LRRFIP1: variants seen among roughly 807,000 people sequenced by gnomAD.
The protein encoded by LRRFIP1 is leucine-rich repeat flightless-interacting protein 1.
LRRFIP1 carries 62 observed loss-of-function variants against 104.4 expected under a neutral mutation model. The observed-to-expected ratio is 0.59, with a 90% CI of 0.48 to 0.73. The LOEUF is 0.73. LRRFIP1 is among the 30% of genes least tolerant of loss of function. The pLI is 0.00. For synonymous variants in LRRFIP1, 300 were observed against 299.0 expected (o/e 1.00, Z -0.03); for missense variants, 796 against 824.5 (o/e 0.97, Z 0.42).
chr2:237,764,038 G>A (rs747278143), intron 19 of LRRFIP1: 28 of 1,614,044 alleles, frequency 1.7e-5, no homozygotes, highest in South Asian at 2.2e-5. Flanking sequence ...ATGACTTGTC[G>A]GCACCAGGAA....
rs73102929 is a variant in LRRFIP1 at position 237,759,392 on chromosome 2, G to T, written c.1317+571G>T. Reference sequence around the variant, plus strand: ...TCACCATCTGCTGCTTGGCCTCCAGGGTCAAAGCCAGAGCAGTGAGCCAGC... The same window carrying T: ...TCACCATCTGCTGCTTGGCCTCCAGTGTCAAAGCCAGAGCAGTGAGCCAGC... On this transcript the variant is annotated intron_variant, in intron 18 of 23. Transcript: ENST00000308482. 1.9e-3 allele frequency among the ~76,000 whole-genome samples: 291 copies of T among 152,274 alleles called. 1 individual carries two copies. The highest frequency in any genetic ancestry group is 6.5e-3 in the African/African-American group (271 of 41,540).
At chr2:237,635,700 C>T (rs1366607422) in intron 1 of LRRFIP1, among the ~76,000 whole-genome samples, 2 of 151,948 alleles carry the variant, frequency 1.3e-5, no homozygotes, top group Non-Finnish European at 2.9e-5. Flanking sequence ...TGATGCATGC[C>T]TGTAGTCCTA....
At chr2:237,658,389 A>G (rs903793079) in intron 1 of LRRFIP1, among the ~76,000 whole-genome samples, 18 of 152,242 alleles carry the variant, frequency 1.2e-4, no homozygotes, top group Admixed American at 4.6e-4. Context: ...GCAGGTCCCA[A>G]TAAAAATATT....
chr2:237,710,059 G>A (rs564456300), intron 2 of LRRFIP1, among the ~76,000 whole-genome samples: 1 of 151,572 alleles, frequency 6.6e-6, no homozygotes, highest in African/African-American at 2.4e-5. Context: ...CACCATGTTG[G>A]CCAGACTGGT....
At chr2:237,670,739 T>C (rs975355064) in intron 1 of LRRFIP1, among the ~76,000 whole-genome samples, 1 of 152,234 alleles carries the variant, frequency 6.6e-6, no homozygotes, top group African/African-American at 2.4e-5. Context: ...CTCAGGACTA[T>C]GGGACCTCTG....
intron 8 of LRRFIP1, among the ~76,000 whole-genome samples, chr2:237,730,684 C>T (rs755922908): frequency 7.9e-5 from 12 of 152,276 alleles, no homozygotes; most frequent in South Asian, 2.1e-4. Context: ...TTCGGGAGGC[C>T]GAGGTGGGCA....
intron 2 of LRRFIP1, among the ~76,000 whole-genome samples, chr2:237,710,257 T>C (rs2150042567): frequency 6.6e-6 from 1 of 152,198 alleles, no homozygotes; most frequent in African/African-American, 2.4e-5. Context: ...ACAGACACAT[T>C]TAGATAAAAA....
intron 1 of LRRFIP1, among the ~76,000 whole-genome samples, chr2:237,675,625 G>A (rs141930123): frequency 1.2e-3 from 181 of 152,040 alleles, no homozygotes; most frequent in African/African-American, 4.0e-3. Context: ...CTTTCTTTTC[G>A]AATGAAGTTA....
chr2:237,722,747 C>T (rs1178988494), intron 6 of LRRFIP1, among the ~76,000 whole-genome samples: 1 of 152,152 alleles, frequency 6.6e-6, no homozygotes, highest in African/African-American at 2.4e-5. Flanking sequence ...AGGCACCAAA[C>T]AAGCCCAGAG....
chr2:237,698,446 C>G lies in LRRFIP1; in HGVS notation c.97-10098C>G, dbSNP rs112127185. Among the ~76,000 whole-genome samples the G allele has an allele frequency of 2.8e-4, 42 of 152,364 alleles. 2 individuals carry two copies. The highest frequency in any genetic ancestry group is 7.7e-4 in the African/African-American group (32 of 41,582). ...CATAAACTCAGACCTTTACTGAGAACAGTGCAGCCATAGCTGAGAGAAGCA... is the reference window on the plus strand; with the variant it reads ...CATAAACTCAGACCTTTACTGAGAAGAGTGCAGCCATAGCTGAGAGAAGCA... On this transcript the variant is annotated intron_variant, in intron 1 of 23. Transcript: ENST00000308482.
At chr2:237,710,477 G>T (rs563585559) in intron 2 of LRRFIP1, among the ~76,000 whole-genome samples, 2 of 151,972 alleles carry the variant, frequency 1.3e-5, no homozygotes, top group South Asian at 4.2e-4. Flanking sequence ...AGTAGAGATG[G>T]GGTTTCACCG....
intron 21 of LRRFIP1, 108 bp from the exon 22 acceptor site, chr2:237,772,758 A>C: frequency 1.3e-6 from 1 of 768,216 alleles, no homozygotes; most frequent in Non-Finnish European, 2.2e-6. Context: ...CAGAACTAAC[A>C]GATTTGTGAG....
rs1164219373 is a variant in LRRFIP1, at chr2:237,766,436, A to C, written c.1460-3507A>C. ...CATACTGGAAACAGCTCTCATTCCT[A>C]CCTTTAAAGGGCTCTTGGAAAGCAG... On this transcript the variant is annotated intron_variant, in intron 19 of 23. Transcript: ENST00000308482. The surrounding 1 kb of genome is among the most constrained non-coding windows in gnomAD (Gnocchi z 4.8). Among the ~76,000 whole-genome samples, 1 of 152,088 alleles carries C rather than the reference A, an allele frequency of 6.6e-6. No individual in the cohort carries two copies. The highest frequency in any genetic ancestry group is 1.5e-5 in the Non-Finnish European group (1 of 68,004).
chr2:237,675,802 G>A (rs1188849461), intron 1 of LRRFIP1, among the ~76,000 whole-genome samples: 3 of 152,158 alleles, frequency 2.0e-5, no homozygotes, highest in Admixed American at 6.5e-5. Flanking sequence ...GGCCTTAGGT[G>A]TTGTTTATTT....
At chr2:237,676,511 C>T (rs767649758) in intron 1 of LRRFIP1, among the ~76,000 whole-genome samples, 1 of 151,844 alleles carries the variant, frequency 6.6e-6, no homozygotes, top group Admixed American at 6.6e-5. Context: ...GGTTTTGTTT[C>T]GTTTTGTTTT....
intron 11 of LRRFIP1, among the ~76,000 whole-genome samples, chr2:237,745,390 G>A (rs1004989262): frequency 2.6e-5 from 4 of 152,168 alleles, no homozygotes; most frequent in Admixed American, 2.6e-4. Context: ...GTTTTTCTCT[G>A]CATGGTCTCT....
intron 1 of LRRFIP1, among the ~76,000 whole-genome samples, chr2:237,671,960 A>G (rs1166780520): frequency 6.6e-6 from 1 of 150,376 alleles, no homozygotes; most frequent in Non-Finnish European, 1.5e-5. Flanking sequence ...ATGCTTTTTC[A>G]CTGTTCACCG....
intron 19 of LRRFIP1, among the ~76,000 whole-genome samples, chr2:237,767,433 G>A (rs758095533): frequency 5.9e-5 from 9 of 152,102 alleles, no homozygotes; most frequent in Non-Finnish European, 1.3e-4. Flanking sequence ...TCCCAAACCA[G>A]AACATAGCTC....
chr2:237,738,338 TC>T (rs777578533), intron 10 of LRRFIP1, among the ~76,000 whole-genome samples: 15 of 152,058 alleles, frequency 9.9e-5, no homozygotes, highest in Admixed American at 6.5e-4. Flanking sequence ...CTTCGGCAGG[TC>T]CCCAGCAGAG....
Sources: gnomAD v4.1 joint callset for allele counts (sites outside exome capture counted in the v4.1 genomes callset) on GRCh38, gnomAD v4.1.1 for gene constraint, Gnocchi (gnomAD v3.1) non-coding constraint, MANE v1.5 for transcripts, NCBI Gene and HGNC (gene_info 2026-07-23, HGNC 2026-07-21) for gene names.